Variants in AKAP6 observed in about 807,000 individuals in gnomAD.
AKAP6 encodes A-kinase anchoring protein 6.
A neutral mutation model predicts 188.5 loss-of-function variants in AKAP6; 58 were observed. That is an observed-to-expected ratio of 0.31 (90% CI 0.25 to 0.38). The LOEUF (loss-of-function observed/expected upper bound fraction) is 0.38. AKAP6 is among the 10% of genes least tolerant of loss of function. The pLI, the probability that AKAP6 is intolerant of heterozygous loss-of-function variation, is 1.00. For synonymous variants in AKAP6, 989 were observed against 998.6 expected (o/e 0.99, Z 0.18); for missense variants, 2,710 against 2,740.0 (o/e 0.99, Z 0.24).
chr14:32,705,045 C>G (rs1330246947), intron 9 of AKAP6, among the ~76,000 whole-genome samples: 3 of 152,156 alleles, frequency 2.0e-5, no homozygotes, highest in Non-Finnish European at 2.9e-5. Flanking sequence ...TCCCATAGTG[C>G]TTTCACATTA....
At chr14:32,582,772 T>C (rs1415000765) in intron 5 of AKAP6, among the ~76,000 whole-genome samples, 1 of 152,182 alleles carries the variant, frequency 6.6e-6, no homozygotes, top group Non-Finnish European at 1.5e-5. Context: ...TTCTTCCAGT[T>C]GATCGCATCA....
intron 9 of AKAP6, among the ~76,000 whole-genome samples, chr14:32,730,141 T>C (rs1256628236): frequency 6.6e-6 from 1 of 152,116 alleles, no homozygotes; most frequent in East Asian, 1.9e-4. Context: ...TTCAATATGC[T>C]TCAAAAATTA....
rs1566739674 is a variant in AKAP6, at chr14:32,823,978, A to G, written c.6165A>G (p.Ser2055=). The G allele has an allele frequency of 1.2e-6, 2 of 1,614,012 alleles. No individual in the cohort carries two copies. The highest frequency in any genetic ancestry group is 2.2e-5 in the East Asian group (1 of 44,878). The change falls in exon 13 of 14, where the codon TCA becomes TCG. Residue 2055 remains serine (S), a synonymous_variant. Coordinates refer to ENST00000280979, the MANE Select transcript of AKAP6 (RefSeq NM_004274.5). ...VFHQKDAEDC[S]VHNFVKEIID... The stretch of plus-strand genomic sequence containing the variant: ...ATCAAAAAGATGCCGAAGATTGTTC[A>G]GTACACAACTTTGTTAAGGAAATCA...
At chr14:32,761,075 A>G (rs977204701) in intron 11 of AKAP6, among the ~76,000 whole-genome samples, 26 of 152,242 alleles carry the variant, frequency 1.7e-4, no homozygotes, top group African/African-American at 6.3e-4. Context: ...ACTCATAGGA[A>G]AATGTACTAT....
At chr14:32,359,336 A>G (rs1184397006) in intron 1 of AKAP6, among the ~76,000 whole-genome samples, 1 of 152,194 alleles carries the variant, frequency 6.6e-6, no homozygotes, top group African/African-American at 2.4e-5. Flanking sequence ...ATTTTTAAAT[A>G]GAAGTGTAAA....
Position 32,492,355 on chromosome 14 carries a change from T to TATATATAGAGAGAGAGAG in AKAP6, c.325-43198_325-43197insTATATAGAGAGAGAGAGA. ...ACATTGTAATATATATATATATATA[T>TATATATAGAGAGAGAGAG]AGAGAGAGAGAGAGAGAGAGAGAGA... On this transcript the variant is annotated intron_variant, in intron 2 of 13. Transcript: ENST00000280979. Among the ~76,000 whole-genome samples, 294 of 82,578 alleles carry TATATATAGAGAGAGAGAG rather than the reference T, an allele frequency of 3.6e-3. 1 individual carries two copies. The highest frequency in any genetic ancestry group is 0.012 in the South Asian group (17 of 1,428). The allele number at this position is 82,578 out of a possible 152,430, so 54.2% of individuals were successfully genotyped here. A position where few individuals can be genotyped will look rare whatever the true frequency, so the allele number is the denominator to read the frequency against.
intron 11 of AKAP6, 34 bp from the exon 12 acceptor site, chr14:32,773,644 A>T (rs1026778749): frequency 6.3e-7 from 1 of 1,591,420 alleles, no homozygotes; most frequent in Non-Finnish European, 8.6e-7. Flanking sequence ...CTGCCCTATA[A>T]ACACTCATAG....
intron 2 of AKAP6, chr14:32,438,728 A>C (rs1235638917): frequency 6.6e-6 from 1 of 152,214 alleles, no homozygotes; most frequent in Non-Finnish European, 1.5e-5. Context: ...CAAATTTAGA[A>C]TCTCTCCGCC....
intron 1 of AKAP6, among the ~76,000 whole-genome samples, chr14:32,378,015 T>C (rs1888215886): frequency 6.6e-6 from 1 of 152,160 alleles, no homozygotes; most frequent in Non-Finnish European, 1.5e-5. Context: ...TTAAATTATT[T>C]GCATTTGGGG....
Position 32,545,536 on chromosome 14 carries a change from TC to T in AKAP6, c.884del (p.Ser295PhefsTer7). On this transcript the variant is annotated frameshift_variant, in exon 4 of 14. Transcript: ENST00000280979. LOFTEE classifies it high-confidence loss of function. ...CAGTGAAGCAGTTACTGAGGAGGTATCTCAAGTATCTCTCTCAGTAGACGAC... is the reference window on the plus strand; with the variant it reads ...CAGTGAAGCAGTTACTGAGGAGGTATTCAAGTATCTCTCTCAGTAGACGAC... ...NGSEAVTEEV[S>X]QVSLSVDDKG... 6.2e-7 allele frequency: 1 copy of T among 1,614,218 alleles called. No homozygotes were observed. The highest frequency in any genetic ancestry group is 8.5e-7 in the Non-Finnish European group (1 of 1,180,034).
intron 4 of AKAP6, among the ~76,000 whole-genome samples, chr14:32,566,576 A>G (rs1030121574): frequency 6.6e-6 from 1 of 152,186 alleles, no homozygotes; most frequent in Non-Finnish European, 1.5e-5. Flanking sequence ...TTTCTGATAC[A>G]TAGTAAACTC....
chr14:32,447,219 A>G (rs1387973964), intron 2 of AKAP6, among the ~76,000 whole-genome samples: 2 of 152,176 alleles, frequency 1.3e-5, no homozygotes, highest in Non-Finnish European at 2.9e-5. Flanking sequence ...AGTGTTTACT[A>G]CCTTGCATTC....
rs773829389 is a variant in AKAP6, at chr14:32,629,458, G to GT, written c.2730+28681dup. ...AAAGAAAAAGAAAGAAGGCAGTCATGTTTTTTTTTTTTTTTCCACAATGTG... is the reference window on the plus strand; with the variant it reads ...AAAGAAAAAGAAAGAAGGCAGTCATGTTTTTTTTTTTTTTTTCCACAATGTG... On this transcript the variant is annotated intron_variant, in intron 7 of 13. Coordinates refer to ENST00000280979, the MANE Select transcript of AKAP6 (RefSeq NM_004274.5). Among the ~76,000 whole-genome samples, 1,226 of 129,138 alleles carry GT rather than the reference G, an allele frequency of 9.5e-3. 10 individuals carry two copies. The highest frequency in any genetic ancestry group is 0.025 in the South Asian group (99 of 3,968). The allele number at this position is 129,138 out of a possible 152,430, so 84.7% of individuals were successfully genotyped here. A position where few individuals can be genotyped will look rare whatever the true frequency, so the allele number is the denominator to read the frequency against.
chr14:32,775,357 T>G (rs2033024881), intron 12 of AKAP6, among the ~76,000 whole-genome samples: 1 of 152,154 alleles, frequency 6.6e-6, no homozygotes, highest in South Asian at 2.1e-4. Context: ...TTGTGTTTCT[T>G]TGAGGATTTA....
chr14:32,692,202 G>A (rs1890211337), intron 8 of AKAP6, among the ~76,000 whole-genome samples: 1 of 152,186 alleles, frequency 6.6e-6, no homozygotes, highest in Admixed American at 6.5e-5. Flanking sequence ...CTCCAGTGTA[G>A]ACTGTTTGAG....
intron 9 of AKAP6, among the ~76,000 whole-genome samples, chr14:32,717,740 C>G (rs2139775255): frequency 6.6e-6 from 1 of 152,124 alleles, no homozygotes; most frequent in East Asian, 1.9e-4. Flanking sequence ...AAGGTTTGTT[C>G]TCTATGGTCT....
rs192154145 is a variant in AKAP6 at position 32,712,567 on chromosome 14, A to G, written c.3000+16457A>G. ...GCTGCTTTATCAACTAAGCTTATGT[A>G]ATATTCTAAATCCTTTGCTGTCATT... On this transcript the variant is annotated intron_variant, in intron 9 of 13. Coordinates refer to ENST00000280979, the MANE Select transcript of AKAP6 (RefSeq NM_004274.5). Among the ~76,000 whole-genome samples, 776 of 152,200 alleles carry G rather than the reference A, an allele frequency of 5.1e-3. 2 individuals carry two copies. The highest frequency in any genetic ancestry group is 0.016 in the South Asian group (79 of 4,830).
At chr14:32,608,721 T>C (rs1339250841) in intron 7 of AKAP6, among the ~76,000 whole-genome samples, 1 of 152,110 alleles carries the variant, frequency 6.6e-6, no homozygotes, top group Non-Finnish European at 1.5e-5. Context: ...ATAACTAAAG[T>C]TGAAAAGATG....
chr14:32,793,405 G>A (rs1317934148), intron 12 of AKAP6, among the ~76,000 whole-genome samples: 2 of 151,804 alleles, frequency 1.3e-5, no homozygotes, highest in Non-Finnish European at 2.9e-5. Context: ...GTTTAAACCA[G>A]CAAAGATTAA....
Sources: gnomAD v4.1 joint callset for allele counts (sites outside exome capture counted in the v4.1 genomes callset) on GRCh38, gnomAD v4.1.1 for gene constraint, MANE v1.5 for transcripts, NCBI Gene and HGNC (gene_info 2026-07-23, HGNC 2026-07-21) for gene names.